KBTBD13: variants seen among roughly 807,000 people sequenced by gnomAD.
KBTBD13 encodes kelch repeat and BTB domain-containing protein 13.
In KBTBD13, 32 loss-of-function variants were observed where a neutral mutation model predicts 25.4. That is an observed-to-expected ratio of 1.26 (90% CI 0.95 to 1.69). The LOEUF is 1.69. Ranked by LOEUF, KBTBD13 falls within the 40% of genes most tolerant of loss-of-function variation. The pLI is 0.00. For missense variants in KBTBD13, 898 were observed against 679.5 expected, an observed-to-expected ratio of 1.32 and a Z score of -3.57; for synonymous variants, 436 against 329.8, an observed-to-expected ratio of 1.32 and a Z score of -3.49.
Position 65,077,125 on chromosome 15 carries a change from G to C in KBTBD13, c.310G>C (p.Asp104His). 6.6e-7 allele frequency: 1 copy of C among 1,522,940 alleles called. No individual in the cohort carries two copies. Among genetic ancestry groups the C allele is most frequent in the Non-Finnish European group, 8.8e-7 (1 of 1,139,830 alleles). 94.3% of individuals were successfully genotyped at this position (1,522,940 alleles called of 1,614,324 possible). A position where few individuals can be genotyped will look rare whatever the true frequency, so the allele number is the denominator to read the frequency against. ...CTTTCTGGAGCACAACCTCACGTCG[G>C]ACAACTGCGCATTGCTGTGCGACGC... Reference protein sequence around the residue: ...ARFLEHNLTSDNCALLCDAAA... With the variant: ...ARFLEHNLTSHNCALLCDAAA... Residue 104 changes from aspartate (D) to histidine (H), a missense_variant, in exon 1 of 1, where the codon GAC becomes CAC. Physicochemically the swap from Asp to His is moderately conservative, Grantham distance 81 (BLOSUM62 -1). Coordinates refer to ENST00000432196, the MANE Select transcript of KBTBD13 (RefSeq NM_001101362.3).
rs561115735 is a variant in KBTBD13, at chr15:65,076,840, G to T, written c.25G>T (p.Val9Leu). MARGPQTL[V>L]QVWVGGQLFQ... ...CATGGCACGGGGTCCACAGACCCTG[G>T]TGCAGGTGTGGGTGGGCGGCCAGCT... Residue 9 changes from valine to leucine, a missense_variant, in exon 1 of 1, where the codon GTG becomes TTG. By Grantham distance (32) the Val-to-Leu change is conservative. Transcript: ENST00000432196. 7 of 1,555,630 alleles carry T rather than the reference G, an allele frequency of 4.5e-6. No individual in the cohort carries two copies. In the African/African-American group the frequency reaches 9.5e-5, roughly 21 times the overall value.
chr15:65,076,781 G>A lies in KBTBD13; in HGVS notation c.-35G>A, dbSNP rs536230953. 58 of 1,485,864 alleles carry A rather than the reference G, an allele frequency of 3.9e-5. No individual in the cohort carries two copies. The highest frequency in any genetic ancestry group is 1.3e-4 in the Admixed American group (6 of 45,914). 92.0% of individuals were successfully genotyped at this position (1,485,864 alleles called of 1,614,324 possible). A position where few individuals can be genotyped will look rare whatever the true frequency, so the allele number is the denominator to read the frequency against. ...CAGAGTTGGTGGCTGGCTAACCCAA[G>A]GCCCCAGCGGCAGCCTCCGCCCGGC... On this transcript the variant is annotated 5_prime_UTR_variant, in exon 1 of 1. Coordinates refer to ENST00000432196, the MANE Select transcript of KBTBD13 (RefSeq NM_001101362.3).
At position 65,077,154 on chromosome 15, in the gene KBTBD13, C is replaced by CG. The variant is rs2086984110; in HGVS notation, c.340dup (p.Ala114GlyfsTer31). The CG allele has an allele frequency of 6.6e-7, 1 of 1,512,116 alleles. No individual in the cohort carries two copies. The highest frequency in any genetic ancestry group is 1.4e-5 in the African/African-American group (1 of 69,884). The allele number at this position is 1,512,116 out of a possible 1,614,324, so 93.7% of individuals were successfully genotyped here. On this transcript the variant is annotated frameshift_variant, in exon 1 of 1. Transcript: ENST00000432196. LOFTEE classifies it high-confidence loss of function. ...ACTGCGCATTGCTGTGCGACGCGGC[C>CG]GCCGCCTTCGGCCTGCGCGACGTGT...
In KBTBD13 at chr15:65,077,380, A is replaced by G; in HGVS notation, c.565A>G (p.Thr189Ala). ...YLDEEEDAWRTLAALPLEAST... is the reference protein window; with the variant it reads ...YLDEEEDAWRALAALPLEAST... ...GGACGAGGAAGAGGACGCGTGGCGC[A>G]CGCTGGCTGCGCTGCCCCTGGAGGC... Residue 189 changes from threonine to alanine, a missense_variant, in exon 1 of 1, where the codon ACG becomes GCG. By Grantham distance (58) the Thr-to-Ala change is moderately conservative (BLOSUM62 0). Transcript: ENST00000432196. 1 of 1,512,870 alleles carries G rather than the reference A, an allele frequency of 6.6e-7. No homozygotes were observed. The highest frequency in any genetic ancestry group is 2.5e-5 in the East Asian group (1 of 39,574). 93.7% of individuals were successfully genotyped at this position (1,512,870 alleles called of 1,614,324 possible).
rs901066337 is a variant in KBTBD13 at position 65,078,007 on chromosome 15, G to A, written c.1192G>A (p.Val398Met). Residue 398 changes from valine (V) to methionine (M), a missense_variant, in exon 1 of 1, where the codon GTG becomes ATG. Physicochemically the swap from Val to Met is conservative, Grantham distance 21. Transcript: ENST00000432196. ...NSKGALFTAVVRGDTVYTVNR... is the reference protein window; with the variant it reads ...NSKGALFTAVMRGDTVYTVNR... ...CAAGGGAGCGCTCTTCACGGCCGTG[G>A]TGCGCGGTGACACCGTCTATACGGT... 2 of 1,607,858 alleles carry A rather than the reference G, an allele frequency of 1.2e-6. No homozygotes were observed. Among genetic ancestry groups the A allele is most frequent in the African/African-American group, 2.7e-5 (2 of 74,946 alleles).
In KBTBD13 at chr15:65,079,156, G is replaced by A. The variant is rs2087016386; in HGVS notation, c.*964G>A. 1.3e-5 allele frequency among the ~76,000 whole-genome samples: 2 copies of A among 152,314 alleles called. No individual in the cohort carries two copies. Among genetic ancestry groups the A allele is most frequent in the South Asian group, 4.1e-4 (2 of 4,828 alleles). ...GTTTTTGCCATCACCACGGGGCAGT[G>A]GACTGTTAACCCACATGACTTCAGG... On this transcript the variant is annotated 3_prime_UTR_variant, in exon 1 of 1. Transcript: ENST00000432196.
rs202004658 is a variant in KBTBD13 at position 65,077,003 on chromosome 15, A to T, written c.188A>T (p.Gln63Leu). The stretch of plus-strand genomic sequence containing the variant: ...GCGGGAGGTTTCCGCGCCACGCTGC[A>T]GGTGCTGCGCGGCGACCGGCCGGCG... Reference protein sequence around the residue: ...LSAGGFRATLQVLRGDRPALA... With the variant: ...LSAGGFRATLLVLRGDRPALA... The change falls in exon 1 of 1, where the codon CAG becomes CTG. Residue 63 changes from glutamine (Q) to leucine (L), a missense_variant. Transcript: ENST00000432196. 1.6e-3 allele frequency: 2,454 copies of T among 1,525,808 alleles called. 5 individuals carry two copies. Among genetic ancestry groups the T allele is most frequent in the Non-Finnish European group, 1.7e-3 (1,968 of 1,141,496 alleles). The allele number at this position is 1,525,808 out of a possible 1,614,324, so 94.5% of individuals were successfully genotyped here.
At position 65,076,884 on chromosome 15, in the gene KBTBD13, C is replaced by A. The variant is rs1241169522; in HGVS notation, c.69C>A (p.Ala23=). 6.4e-7 allele frequency: 1 copy of A among 1,565,612 alleles called. No homozygotes were observed. The highest frequency in any genetic ancestry group is 8.6e-7 in the Non-Finnish European group (1 of 1,163,322). ...VGGQLFQADR[A]LLVEHCGFFR... ...GCCAGCTCTTCCAAGCCGACCGCGC[C>A]CTGCTGGTGGAGCACTGTGGCTTCT... The change falls in exon 1 of 1, where the codon GCC becomes GCA. Residue 23 remains alanine (A), a synonymous_variant. Coordinates refer to ENST00000432196, the MANE Select transcript of KBTBD13 (RefSeq NM_001101362.3).
rs748032183 is a variant in KBTBD13, at chr15:65,077,648, A to T, written c.833A>T (p.Tyr278Phe). Residue 278 changes from tyrosine to phenylalanine, a missense_variant, in exon 1 of 1, where the codon TAC (tyrosine) becomes TTC (phenylalanine). Physicochemically the swap from Tyr to Phe is conservative, Grantham distance 22. Transcript: ENST00000432196. ...QRTPISSVER[Y>F]DPAAGCWSFV... ...ACGCCCATCAGCTCCGTGGAGCGCT[A>T]CGACCCAGCCGCGGGCTGCTGGAGT... The T allele has an allele frequency of 3.3e-5, 53 of 1,590,262 alleles. No individual in the cohort carries two copies. In the South Asian group the frequency reaches 5.9e-4, roughly 18 times the overall value.
In KBTBD13 at chr15:65,079,293, G is replaced by A. The variant is rs1380584368; in HGVS notation, c.*1101G>A. 1.3e-5 allele frequency among the ~76,000 whole-genome samples: 2 copies of A among 152,078 alleles called. No homozygotes were observed. Among genetic ancestry groups the A allele is most frequent in the African/African-American group, 4.8e-5 (2 of 41,396 alleles). ...CTATTCTGCCCTTTGCAATTCCCTG[G>A]GCTGGAATGCCTAGTCTCCTCCTCT... On this transcript the variant is annotated 3_prime_UTR_variant, in exon 1 of 1. Transcript: ENST00000432196.
In KBTBD13 at chr15:65,077,578, G is replaced by T; in HGVS notation, c.763G>T (p.Gly255Cys). Residue 255 changes from glycine (G) to cysteine (C), a missense_variant, in exon 1 of 1, where the codon GGC becomes TGC. Transcript: ENST00000432196. ...HQPRYDTALA[G>C]FDGRLYAIGG... ...GCCGCGCTATGACACAGCGCTGGCC[G>T]GCTTCGACGGCCGCCTCTACGCCAT... is the stretch of plus-strand genomic sequence containing the variant. 6.4e-7 allele frequency: 1 copy of T among 1,560,182 alleles called. No homozygotes were observed. The highest frequency in any genetic ancestry group is 8.6e-7 in the Non-Finnish European group (1 of 1,160,502).
Position 65,077,030 on chromosome 15 carries a change from T to C in KBTBD13, c.215T>C (p.Leu72Pro). 1 of 1,498,624 alleles carries C rather than the reference T, an allele frequency of 6.7e-7. No individual in the cohort carries two copies. Among genetic ancestry groups the C allele is most frequent in the Non-Finnish European group, 8.9e-7 (1 of 1,126,916 alleles). The allele number at this position is 1,498,624 out of a possible 1,614,324, so 92.8% of individuals were successfully genotyped here. A position where few individuals can be genotyped will look rare whatever the true frequency, so the allele number is the denominator to read the frequency against. Reference sequence around the variant, plus strand: ...GTGCTGCGCGGCGACCGGCCGGCGCTGGCGGCGGAGGACGAGCTGCTGCAG... The same window carrying C: ...GTGCTGCGCGGCGACCGGCCGGCGCCGGCGGCGGAGGACGAGCTGCTGCAG... ...LQVLRGDRPA[L>P]AAEDELLQAV... Residue 72 changes from leucine (L) to proline (P), a missense_variant, in exon 1 of 1, where the codon CTG becomes CCG. Leu to Pro is a moderately conservative substitution (Grantham distance 98). Transcript: ENST00000432196.
rs1268573677 is a variant in KBTBD13 at position 65,078,576 on chromosome 15, G to A, written c.*384G>A. On this transcript the variant is annotated 3_prime_UTR_variant, in exon 1 of 1. Coordinates refer to ENST00000432196, the MANE Select transcript of KBTBD13 (RefSeq NM_001101362.3). ...CTGTATGCCCAATACAGTGTTATGCGTAATGAGAGCCGTAGTTGCCACACA... is the reference window on the plus strand; with the variant it reads ...CTGTATGCCCAATACAGTGTTATGCATAATGAGAGCCGTAGTTGCCACACA... 1.3e-5 allele frequency among the ~76,000 whole-genome samples: 2 copies of A among 152,176 alleles called. No individual in the cohort carries two copies. Among genetic ancestry groups the A allele is most frequent in the East Asian group, 3.8e-4 (2 of 5,196 alleles).
rs748278001 is a variant in KBTBD13, at chr15:65,077,196, C to G, written c.381C>G (p.Leu127=). 6.8e-7 allele frequency: 1 copy of G among 1,460,274 alleles called. No homozygotes were observed. The highest frequency in any genetic ancestry group is 9.0e-7 in the Non-Finnish European group (1 of 1,108,184). The allele number at this position is 1,460,274 out of a possible 1,614,324, so 90.5% of individuals were successfully genotyped here. A position where few individuals can be genotyped will look rare whatever the true frequency, so the allele number is the denominator to read the frequency against. ...GLRDVFHSAA[L]FICDGERELA... Reference sequence around the variant, plus strand: ...GCGACGTGTTCCACAGTGCCGCGCTCTTCATCTGCGACGGCGAGCGCGAGC... The same window carrying G: ...GCGACGTGTTCCACAGTGCCGCGCTGTTCATCTGCGACGGCGAGCGCGAGC... The change falls in exon 1 of 1, where the codon CTC becomes CTG. Residue 127 remains leucine, a synonymous_variant. Transcript: ENST00000432196.
chr15:65,079,867 C>T lies in KBTBD13; in HGVS notation c.*1675C>T, dbSNP rs1359074961. ...TCCCAACCCTGGAGAATGCTGCCCT[C>T]AGAAGCCTGGGACCTTCCAGCCCTG... On this transcript the variant is annotated 3_prime_UTR_variant, in exon 1 of 1. Coordinates refer to ENST00000432196, the MANE Select transcript of KBTBD13 (RefSeq NM_001101362.3). Among the ~76,000 whole-genome samples the T allele has an allele frequency of 6.6e-6, 1 of 152,258 alleles. No homozygotes were observed. The highest frequency in any genetic ancestry group is 1.5e-5 in the Non-Finnish European group (1 of 68,046).
rs758266965 is a variant in KBTBD13, at chr15:65,078,289, C to T, written c.*97C>T. 5 of 1,444,816 alleles carry T rather than the reference C, an allele frequency of 3.5e-6. No homozygotes were observed. Among genetic ancestry groups the T allele is most frequent in the Non-Finnish European group, 4.6e-6 (5 of 1,093,242 alleles). 89.5% of individuals were successfully genotyped at this position (1,444,816 alleles called of 1,614,324 possible). On this transcript the variant is annotated 3_prime_UTR_variant, in exon 1 of 1. Transcript: ENST00000432196. ...GGCCTTAGAAGTAGCTGGCAACTTCCCTCTTTCTACTGAGACACCCAGGTT... is the reference window on the plus strand; with the variant it reads ...GGCCTTAGAAGTAGCTGGCAACTTCTCTCTTTCTACTGAGACACCCAGGTT...
Position 65,078,012 on chromosome 15 carries a change from C to G in KBTBD13, c.1197C>G (p.Arg399=), listed in dbSNP as rs150830358. 1 of 1,607,264 alleles carries G rather than the reference C, an allele frequency of 6.2e-7. No homozygotes were observed. Among genetic ancestry groups the G allele is most frequent in the South Asian group, 1.1e-5 (1 of 91,004 alleles). ...GAGCGCTCTTCACGGCCGTGGTGCG[C>G]GGTGACACCGTCTATACGGTCAACC... ...SKGALFTAVV[R]GDTVYTVNRM... is the part of the protein sequence containing the mutation. The change falls in exon 1 of 1, where the codon CGC becomes CGG. Residue 399 remains arginine, a synonymous_variant. Transcript: ENST00000432196.
chr15:65,076,860 C>T lies in KBTBD13; in HGVS notation c.45C>T (p.Gly15=). ...CCCTGGTGCAGGTGTGGGTGGGCGG[C>T]CAGCTCTTCCAAGCCGACCGCGCCC... ...PQTLVQVWVG[G]QLFQADRALL... Residue 15 remains glycine (G), a synonymous_variant, in exon 1 of 1, where the codon GGC becomes GGT. Transcript: ENST00000432196. The T allele has an allele frequency of 1.3e-6, 2 of 1,563,350 alleles. No individual in the cohort carries two copies. The highest frequency in any genetic ancestry group is 2.2e-4 in the Middle Eastern group (1 of 4,564).
Position 65,078,089 on chromosome 15 carries a change from G to T in KBTBD13, c.1274G>T (p.Arg425Met). 6.3e-7 allele frequency: 1 copy of T among 1,594,372 alleles called. No homozygotes were observed. Residue 425 changes from arginine to methionine, a missense_variant, in exon 1 of 1, where the codon AGG becomes ATG. Physicochemically the swap from Arg to Met is moderately conservative, Grantham distance 91. Transcript: ENST00000432196. ...AIEGGTWRLLREKAGFPRPGS... is the reference protein window; with the variant it reads ...AIEGGTWRLLMEKAGFPRPGS... Reference sequence around the variant, plus strand: ...GAGGGCGGCACCTGGCGGCTGCTCAGGGAGAAAGCCGGCTTCCCGCGGCCC... The same window carrying T: ...GAGGGCGGCACCTGGCGGCTGCTCATGGAGAAAGCCGGCTTCCCGCGGCCC...
Sources: allele counts gnomAD v4.1 joint callset (sites outside exome capture counted in the v4.1 genomes callset), GRCh38; gene constraint gnomAD v4.1.1; transcripts MANE v1.5; gene names NCBI Gene and HGNC (gene_info 2026-07-23, HGNC 2026-07-21).